Variants in PCDH15 observed in about 807,000 individuals in gnomAD.
The protein encoded by PCDH15 is protocadherin-15.
A neutral mutation model predicts 178.5 loss-of-function variants in PCDH15; 129 were observed. The ratio of observed to expected loss-of-function variants is 0.72; its 90% confidence interval spans 0.63 to 0.84. The LOEUF is 0.84. PCDH15 is among the 40% of genes least tolerant of loss of function. The pLI, the probability that PCDH15 is intolerant of heterozygous loss-of-function variation, is 0.00. For synonymous variants in PCDH15, 800 were observed against 732.0 expected, an observed-to-expected ratio of 1.09 and a Z score of -1.50; for missense variants, 2,230 against 2,099.9, an observed-to-expected ratio of 1.06 and a Z score of -1.21.
intron 2 of PCDH15, among the ~76,000 whole-genome samples, chr10:55,542,263 A>T (rs1033051872): frequency 1.3e-5 from 2 of 151,162 alleles, no homozygotes; most frequent in Non-Finnish European, 3.0e-5. Flanking sequence ...ATGTATGTAC[A>T]GTATGTCTAT....
intron 2 of PCDH15, among the ~76,000 whole-genome samples, chr10:55,391,992 C>G (rs922638344): frequency 6.6e-5 from 10 of 152,112 alleles, no homozygotes; most frequent in Admixed American, 2.0e-4. Flanking sequence ...GGGTTATTAA[C>G]TGGTTTAGTT....
intron 25 of PCDH15, among the ~76,000 whole-genome samples, chr10:53,936,173 T>C (rs1589509230): frequency 6.6e-6 from 1 of 152,198 alleles, no homozygotes; most frequent in East Asian, 1.9e-4. Flanking sequence ...AAGAGCGTAG[T>C]GGTGAAGCCT....
intron 3 of PCDH15, among the ~76,000 whole-genome samples, chr10:54,417,581 GA>G (rs1012134440): frequency 6.6e-6 from 1 of 151,952 alleles, no homozygotes; most frequent in African/African-American, 2.4e-5. Context: ...AGCAAAACAG[GA>G]AAAAATGCTT....
chr10:55,523,418 T>A (rs1333872188), intron 2 of PCDH15, among the ~76,000 whole-genome samples: 14 of 151,814 alleles, frequency 9.2e-5, no homozygotes, highest in South Asian at 2.1e-4. Context: ...TACAATGTGA[T>A]GTTTTGATAA....
intron 2 of PCDH15, among the ~76,000 whole-genome samples, chr10:54,956,376 T>C (rs1226428665): frequency 1.3e-5 from 2 of 151,564 alleles, no homozygotes; most frequent in Non-Finnish European, 1.5e-5. Context: ...GAGTGGCAGA[T>C]TCATTTACAT....
chr10:55,045,951 T>TA (rs1391148895), intron 2 of PCDH15, among the ~76,000 whole-genome samples: 1 of 152,056 alleles, frequency 6.6e-6, no homozygotes, highest in Non-Finnish European at 1.5e-5. Flanking sequence ...TGTTCTCCAG[T>TA]AGGACTCATC....
At chr10:54,043,039 A>G (rs79358359) in intron 18 of PCDH15, among the ~76,000 whole-genome samples, 2,501 of 152,204 alleles carry the variant, frequency 0.016, 66 homozygotes, top group African/African-American at 0.052. Context: ...TGCTTACTGT[A>G]CAGGAGTTCA....
At chr10:54,031,849 G>A (rs1000692490) in intron 18 of PCDH15, among the ~76,000 whole-genome samples, 2 of 152,010 alleles carry the variant, frequency 1.3e-5, no homozygotes, top group African/African-American at 4.8e-5. Flanking sequence ...GTTGTTTCAT[G>A]TTCATTAAAT....
intron 27 of PCDH15, among the ~76,000 whole-genome samples, chr10:53,861,533 C>T (rs2133092785): frequency 6.6e-6 from 1 of 151,956 alleles, no homozygotes; most frequent in South Asian, 2.1e-4. Flanking sequence ...TAGTGCTGTC[C>T]AATAGAAATA....
At chr10:54,979,288 T>A (rs183251678) in intron 2 of PCDH15, among the ~76,000 whole-genome samples, 26 of 152,276 alleles carry the variant, frequency 1.7e-4, no homozygotes, top group African/African-American at 6.0e-4. Context: ...TCATGGTAAT[T>A]GACTTCAAAT....
intron 1 of PCDH15, among the ~76,000 whole-genome samples, chr10:55,257,553 G>A (rs74321297): frequency 7.2e-5 from 11 of 152,080 alleles, no homozygotes; most frequent in Middle Eastern, 3.2e-3. Context: ...TGAAAACTAC[G>A]GCACGAGAAC....
intron 3 of PCDH15, among the ~76,000 whole-genome samples, chr10:54,405,185 A>T (rs1222162151): frequency 1.3e-5 from 2 of 152,110 alleles, no homozygotes; most frequent in African/African-American, 4.8e-5. Context: ...TTGCTCTATC[A>T]CAAAGATACA....
At position 54,307,104 on chromosome 10, in the gene PCDH15, G is replaced by GTATATATATA. The variant is rs1170885233; in HGVS notation, c.876+10157_876+10166dup. Reference sequence around the variant, plus strand: ...TACATATATATATATGTGTGTGTGTGTATATATATATATATATATATATAT... The same window carrying GTATATATATA: ...TACATATATATATATGTGTGTGTGTGTATATATATATATATATATATATATATATATATAT... On this transcript the variant is annotated intron_variant, in intron 8 of 37. Coordinates refer to ENST00000644397, the MANE Select transcript of PCDH15 (RefSeq NM_001384140.1). Among the ~76,000 whole-genome samples the GTATATATATA allele has an allele frequency of 7.5e-5, 2 of 26,562 alleles. 1 individual carries two copies. The highest frequency in any genetic ancestry group is 3.5e-4 in the African/African-American group (2 of 5,764). The allele number at this position is 26,562 out of a possible 152,430, so 17.4% of individuals were successfully genotyped here. A position where few individuals can be genotyped will look rare whatever the true frequency, so the allele number is the denominator to read the frequency against.
At chr10:55,310,848 G>T (rs971402416) in intron 1 of PCDH15, among the ~76,000 whole-genome samples, 2 of 152,134 alleles carry the variant, frequency 1.3e-5, no homozygotes, top group African/African-American at 4.8e-5. Context: ...CACAGGGAAG[G>T]GAATATCATA....
intron 2 of PCDH15, among the ~76,000 whole-genome samples, chr10:54,528,706 C>T (rs1378999193): frequency 5.9e-5 from 9 of 151,830 alleles, no homozygotes; most frequent in South Asian, 4.2e-4. Flanking sequence ...AAGGTAAATA[C>T]GAATTACTTA....
chr10:55,188,965 TAAA>T (rs1358961903), intron 1 of PCDH15, among the ~76,000 whole-genome samples: 1 of 151,710 alleles, frequency 6.6e-6, no homozygotes, highest in South Asian at 2.1e-4. Context: ...ATTAAAAAAA[TAAA>T]AAAGAGAAAA....
At chr10:55,378,256 A>G (rs879088669) in intron 2 of PCDH15, among the ~76,000 whole-genome samples, 16 of 152,130 alleles carry the variant, frequency 1.1e-4, no homozygotes, top group African/African-American at 3.9e-4. Context: ...TCCAAGATGA[A>G]GTAGACATGA....
At position 54,922,810 on chromosome 10, in the gene PCDH15, G is replaced by C. The variant is rs79778693; in HGVS notation, c.-79-25310C>G. Among the ~76,000 whole-genome samples the C allele has an allele frequency of 8.9e-3, 1,353 of 152,210 alleles. 17 individuals carry two copies. Among genetic ancestry groups the C allele is most frequent in the African/African-American group, 0.03 (1,263 of 41,542 alleles). On this transcript the variant is annotated intron_variant, in intron 2 of 5. Coordinates refer to the PCDH15 transcript ENST00000458638. ...ACAGCCCTCATGGTTGCTTTCATGG[G>C]ATTAAGTGTCTATGCCTTTTTCAGG...
chr10:54,123,914 A>G (rs949842796), intron 15 of PCDH15, among the ~76,000 whole-genome samples: 9 of 152,196 alleles, frequency 5.9e-5, no homozygotes, highest in Admixed American at 5.2e-4. Context: ...AACAACAAAT[A>G]TTACATATTC....
Sources: allele counts gnomAD v4.1 joint callset (sites outside exome capture counted in the v4.1 genomes callset), GRCh38; gene constraint gnomAD v4.1.1; transcripts MANE v1.5; gene names NCBI Gene and HGNC (gene_info 2026-07-23, HGNC 2026-07-21).